LRRC4C: variants seen among roughly 807,000 people sequenced by gnomAD.
The protein encoded by LRRC4C is leucine rich repeat containing 4C, also known as leucine-rich repeat-containing protein 4C.
In LRRC4C, 5 loss-of-function variants were observed where a neutral mutation model predicts 33.6. The observed-to-expected ratio is 0.15, with a 90% CI of 0.08 to 0.31. LRRC4C has a LOEUF of 0.31. LRRC4C is among the 10% of genes least tolerant of loss of function. The probability of loss-of-function intolerance (pLI) is 1.00; values close to 1 mark genes in which losing one functional copy is unlikely to be tolerated. For synonymous variants in LRRC4C, 329 were observed against 302.0 expected (o/e 1.09, Z -0.93); for missense variants, 560 against 796.7 (o/e 0.70, Z 3.58).
intron 3 of LRRC4C, among the ~76,000 whole-genome samples, chr11:40,594,447 A>C (rs575624289): frequency 9.2e-5 from 14 of 152,326 alleles, no homozygotes; most frequent in Non-Finnish European, 1.5e-4. Context: ...TTTTATGGGA[A>C]TTCTGTGCCA....
At chr11:41,278,598 G>T (rs555901344) in intron 1 of LRRC4C, among the ~76,000 whole-genome samples, 54 of 152,184 alleles carry the variant, frequency 3.5e-4, no homozygotes, top group Non-Finnish European at 7.1e-4. Flanking sequence ...AGATTGCTGG[G>T]CCTCGCCCCC....
intron 2 of LRRC4C, among the ~76,000 whole-genome samples, chr11:40,873,788 A>C (rs937687797): frequency 3.3e-5 from 5 of 152,122 alleles, no homozygotes; most frequent in Admixed American, 1.3e-4. Context: ...TCAACACTAA[A>C]TTCTTTTAAC....
rs80231807 is a variant in LRRC4C, at chr11:40,342,861, T to C, written c.-269-23140A>G. On this transcript the variant is annotated intron_variant, in intron 3 of 6. Coordinates refer to ENST00000528697, the MANE Select transcript of LRRC4C (RefSeq NM_001258419.2). ...TGAAATTTTCCTTTATATCTATCTA[T>C]CTACCTACCTACCTATATATTTATC... is the stretch of plus-strand genomic sequence containing the variant. Among the ~76,000 whole-genome samples, 503 of 152,236 alleles carry C rather than the reference T, an allele frequency of 3.3e-3. 4 individuals carry two copies. Among genetic ancestry groups the C allele is most frequent in the African/African-American group, 0.012 (482 of 41,556 alleles).
intron 2 of LRRC4C, among the ~76,000 whole-genome samples, chr11:40,797,261 G>A (rs963792833): frequency 6.6e-6 from 1 of 152,178 alleles, no homozygotes; most frequent in South Asian, 2.1e-4. Flanking sequence ...AATAGAAATG[G>A]AGAGTATGGG....
chr11:40,971,554 G>A (rs1314844034), intron 1 of LRRC4C, among the ~76,000 whole-genome samples: 1 of 152,196 alleles, frequency 6.6e-6, no homozygotes, highest in African/African-American at 2.4e-5. Context: ...TCCTCACAGA[G>A]AACCTCTATT....
At chr11:40,596,963 A>C (rs1300980977) in intron 3 of LRRC4C, among the ~76,000 whole-genome samples, 1 of 152,360 alleles carries the variant, frequency 6.6e-6, no homozygotes. Context: ...CCGTATTCTT[A>C]ACAAATAGAA....
chr11:40,137,060 G>A (rs1857028243), intron 6 of LRRC4C, among the ~76,000 whole-genome samples: 1 of 152,116 alleles, frequency 6.6e-6, no homozygotes. Context: ...AAAAGTTAGA[G>A]CTATCATTTT....
chr11:41,390,446 G>T (rs559585604), intron 1 of LRRC4C, among the ~76,000 whole-genome samples: 1 of 151,818 alleles, frequency 6.6e-6, no homozygotes, highest in Non-Finnish European at 1.5e-5. Context: ...CCACCTGCCT[G>T]TCACTACCCT....
intron 1 of LRRC4C, chr11:41,222,773 A>G (rs557665861): frequency 6.8e-6 from 1 of 147,848 alleles, no homozygotes; most frequent in South Asian, 2.1e-4. Context: ...TCCTTGTACA[A>G]CTGGTATGGA....
At chr11:40,738,116 G>A (rs1482655670) in intron 2 of LRRC4C, among the ~76,000 whole-genome samples, 2 of 152,138 alleles carry the variant, frequency 1.3e-5, no homozygotes, top group Non-Finnish European at 2.9e-5. Flanking sequence ...AACAAGCAAT[G>A]GGGAAAGGAT....
chr11:40,268,440 A>G (rs961667315), intron 4 of LRRC4C, among the ~76,000 whole-genome samples: 2 of 152,162 alleles, frequency 1.3e-5, no homozygotes, highest in Non-Finnish European at 2.9e-5. Flanking sequence ...AAAATATTGC[A>G]CATGGTTTTA....
intron 2 of LRRC4C, among the ~76,000 whole-genome samples, chr11:40,900,124 G>T (rs1032159435): frequency 6.6e-6 from 1 of 151,980 alleles, no homozygotes; most frequent in Non-Finnish European, 1.5e-5. Flanking sequence ...ACTAATTAGA[G>T]CTTTCCCTTC....
chr11:40,980,507 T>C (rs1159970216), intron 1 of LRRC4C, among the ~76,000 whole-genome samples: 1 of 152,070 alleles, frequency 6.6e-6, no homozygotes. Flanking sequence ...ACACCGTCCG[T>C]CCATTTCTGG....
At chr11:40,321,046 T>A (rs1945820328) in intron 3 of LRRC4C, among the ~76,000 whole-genome samples, 1 of 152,210 alleles carries the variant, frequency 6.6e-6, no homozygotes, top group African/African-American at 2.4e-5. Flanking sequence ...GATTAATAAC[T>A]CTTTGGAGTC....
chr11:41,073,363 A>T (rs1055468733), intron 1 of LRRC4C, among the ~76,000 whole-genome samples: 9 of 152,112 alleles, frequency 5.9e-5, no homozygotes, highest in African/African-American at 2.2e-4. Context: ...TCTCTGGAAC[A>T]AATAGAGCAA....
At chr11:41,158,415 T>C (rs948038370) in intron 1 of LRRC4C, among the ~76,000 whole-genome samples, 2 of 151,502 alleles carry the variant, frequency 1.3e-5, no homozygotes, top group Non-Finnish European at 2.9e-5. Flanking sequence ...AAAAGGGAGG[T>C]AGAAGGATCC....
rs1483314524 is a variant in LRRC4C at position 41,077,634 on chromosome 11, C to A, written c.-495-143911G>T. Among the ~76,000 whole-genome samples the A allele has an allele frequency of 2.0e-5, 3 of 152,134 alleles. No homozygotes were observed. In the East Asian group the frequency reaches 5.8e-4, roughly 29 times the overall value. ...CAGGAAACAAATTTTCCTTCTTACA[C>A]CTGGGGGCCTATGAAGGGAGGGGCT... On this transcript the variant is annotated intron_variant, in intron 1 of 6. Coordinates refer to ENST00000528697, the MANE Select transcript of LRRC4C (RefSeq NM_001258419.2).
At chr11:41,375,328 A>G (rs1386098495) in intron 1 of LRRC4C, among the ~76,000 whole-genome samples, 1 of 152,120 alleles carries the variant, frequency 6.6e-6, no homozygotes, top group African/African-American at 2.4e-5. Flanking sequence ...GACATACGTA[A>G]GTACAATTTC....
In LRRC4C at chr11:40,809,438, T is replaced by C. The variant is rs937022556; in HGVS notation, c.-407+124197A>G. On this transcript the variant is annotated intron_variant, in intron 2 of 6. Transcript: ENST00000528697. ...TTATTTGTCATATTTTTGTTCAAACTTTTTTCACTGTAGTTTTCTTAATTA... is the reference window on the plus strand; with the variant it reads ...TTATTTGTCATATTTTTGTTCAAACCTTTTTCACTGTAGTTTTCTTAATTA... 4.6e-5 allele frequency among the ~76,000 whole-genome samples: 7 copies of C among 152,294 alleles called. No individual in the cohort carries two copies. In the South Asian group the frequency reaches 1.2e-3, roughly 27 times the overall value.
Sources: gnomAD v4.1 joint callset for allele counts (sites outside exome capture counted in the v4.1 genomes callset) on GRCh38, gnomAD v4.1.1 for gene constraint, MANE v1.5 for transcripts, NCBI Gene and HGNC (gene_info 2026-07-23, HGNC 2026-07-21) for gene names.